Variants in SLC9A8 observed in about 807,000 individuals in gnomAD.
SLC9A8 encodes sodium/hydrogen exchanger 8.
In SLC9A8, 48 loss-of-function variants were observed where a neutral mutation model predicts 66.6. The ratio of observed to expected loss-of-function variants is 0.72; its 90% confidence interval spans 0.57 to 0.92. The LOEUF (loss-of-function observed/expected upper bound fraction) is 0.92. Among genes scored for constraint, SLC9A8 ranks in the 40% least tolerant of loss-of-function variants. The probability of loss-of-function intolerance (pLI) is 0.00; values close to 1 mark genes in which losing one functional copy is unlikely to be tolerated. For synonymous variants in SLC9A8, 274 were observed against 282.6 expected (o/e 0.97, Z 0.31); for missense variants, 599 against 747.3 (o/e 0.80, Z 2.31).
chr20:49,882,330 T>C (rs564925194), intron 13 of SLC9A8, among the ~76,000 whole-genome samples: 3 of 152,250 alleles, frequency 2.0e-5, no homozygotes, highest in African/African-American at 7.2e-5. Context: ...AGGGGAGGCG[T>C]CCGCCCCCGT....
At chr20:49,843,790 A>G (rs1355346553) in intron 4 of SLC9A8, among the ~76,000 whole-genome samples, 1 of 152,158 alleles carries the variant, frequency 6.6e-6, no homozygotes. Context: ...TGTCTCCCCA[A>G]ACCTCATGCT....
chr20:49,848,791 G>A (rs1484689923), intron 5 of SLC9A8, among the ~76,000 whole-genome samples: 1 of 152,144 alleles, frequency 6.6e-6, no homozygotes, highest in Non-Finnish European at 1.5e-5. Context: ...ATCTGATAGT[G>A]TATCTTGGTA....
intron 3 of SLC9A8, chr20:49,829,992 G>T: frequency 1.6e-6 from 1 of 625,426 alleles, no homozygotes; most frequent in Non-Finnish European, 3.1e-6. Flanking sequence ...GTGGAGTCCG[G>T]TACCTTGAAG....
At chr20:49,850,411 G>C (rs2088196431) in intron 6 of SLC9A8, among the ~76,000 whole-genome samples, 1 of 152,194 alleles carries the variant, frequency 6.6e-6, no homozygotes, top group African/African-American at 2.4e-5. Context: ...GTGACGGGCA[G>C]ATTTCTTTAA....
chr20:49,863,441 G>T (rs1254660235), intron 9 of SLC9A8, among the ~76,000 whole-genome samples: 6 of 152,212 alleles, frequency 3.9e-5, no homozygotes, highest in Admixed American at 6.5e-5. Flanking sequence ...TAGACCAGGT[G>T]CAGTGGCTCA....
intron 8 of SLC9A8, among the ~76,000 whole-genome samples, chr20:49,859,366 G>A (rs995347969): frequency 5.3e-5 from 8 of 152,190 alleles, no homozygotes; most frequent in African/African-American, 1.9e-4. Flanking sequence ...GACCATGAAG[G>A]ATATGAGGAA....
intron 8 of SLC9A8, 129 bp downstream of exon 8, chr20:49,855,710 CTCTT>C: frequency 1.2e-6 from 1 of 836,068 alleles, no homozygotes; most frequent in Non-Finnish European, 1.8e-6. Flanking sequence ...TTCACCCACT[CTCTT>C]TCTCTGTATT....
At chr20:49,885,166 T>A (rs1019147207) in intron 14 of SLC9A8, among the ~76,000 whole-genome samples, 1 of 152,184 alleles carries the variant, frequency 6.6e-6, no homozygotes, top group African/African-American at 2.4e-5. Context: ...AAGAGGCCCT[T>A]TGCCCCCACC....
At chr20:49,856,860 C>T (rs192563263) in intron 8 of SLC9A8, among the ~76,000 whole-genome samples, 200 of 151,816 alleles carry the variant, frequency 1.3e-3, no homozygotes, top group African/African-American at 4.6e-3. Context: ...TGTCATATCA[C>T]GTGCCTGTAT....
chr20:49,851,820 TGTGTTTGGTAGGTATTTTGCAAATAAAAA>T (rs1368146597), intron 7 of SLC9A8, among the ~76,000 whole-genome samples: 9 of 152,216 alleles, frequency 5.9e-5, no homozygotes, highest in Non-Finnish European at 8.8e-5. Flanking sequence ...ACTGATGTCC[TGTGTTTGGTAGGTATTTTGCAAATAAAAA>T]GAAATGCCCA....
chr20:49,878,143 A>G, intron 12 of SLC9A8, 80 bp downstream of exon 12: 1 of 802,570 alleles, frequency 1.2e-6, no homozygotes, highest in Non-Finnish European at 1.9e-6. Flanking sequence ...TCATTTATGT[A>G]ACTGTTAACT....
intron 13 of SLC9A8, among the ~76,000 whole-genome samples, chr20:49,883,080 C>A (rs542122097): frequency 2.6e-4 from 39 of 149,424 alleles, no homozygotes; most frequent in Non-Finnish European, 5.0e-4. Flanking sequence ...TGCCTCCTCC[C>A]AGCTGCTCTA....
intron 8 of SLC9A8, among the ~76,000 whole-genome samples, chr20:49,860,094 T>C (rs2088672615): frequency 6.6e-6 from 1 of 152,206 alleles, no homozygotes; most frequent in Non-Finnish European, 1.5e-5. Context: ...GGGCTGAGGC[T>C]GGGCACTGTA....
chr20:49,862,877 A>G (rs2088805605), intron 8 of SLC9A8, 52 bp from the exon 9 acceptor site: 2 of 1,400,754 alleles, frequency 1.4e-6, no homozygotes, highest in African/African-American at 2.9e-5. Flanking sequence ...AATTTCTAAG[A>G]ACTTTGTGTA....
At chr20:49,814,241 T>G (rs1165259362) in intron 1 of SLC9A8, among the ~76,000 whole-genome samples, 2 of 152,122 alleles carry the variant, frequency 1.3e-5, no homozygotes, top group Non-Finnish European at 2.9e-5. Context: ...TTGGTGAAGT[T>G]TTGCAACCTC....
At chr20:49,837,863 C>G (rs1354009696) in intron 3 of SLC9A8, among the ~76,000 whole-genome samples, 1 of 152,204 alleles carries the variant, frequency 6.6e-6, no homozygotes, top group Non-Finnish European at 1.5e-5. Flanking sequence ...GCCACCACGC[C>G]TGGTCGGTTC....
chr20:49,828,412 C>T (rs917907670), intron 3 of SLC9A8, among the ~76,000 whole-genome samples: 7 of 151,258 alleles, frequency 4.6e-5, no homozygotes, highest in South Asian at 2.1e-4. Flanking sequence ...TTAGTAGAGA[C>T]GGGGTTTCTT....
At position 49,871,496 on chromosome 20, in the gene SLC9A8, C is replaced by A. The variant is rs1046036443; in HGVS notation, c.959-3209C>A. On this transcript the variant is annotated intron_variant, in intron 10 of 15. Coordinates refer to ENST00000361573, the MANE Select transcript of SLC9A8 (RefSeq NM_015266.3). ...TCCTTAAGCGTATTTTTTCAAATAC[C>A]ATGCCTTTTACCTCACTTAAAAAAG... is the stretch of plus-strand genomic sequence containing the variant. 4.6e-5 allele frequency among the ~76,000 whole-genome samples: 7 copies of A among 152,092 alleles called. 1 individual carries two copies. Among genetic ancestry groups the A allele is most frequent in the Admixed American group, 4.6e-4 (7 of 15,274 alleles).
chr20:49,829,869 G>C (rs1363258547), intron 3 of SLC9A8: 1 of 567,006 alleles, frequency 1.8e-6, no homozygotes, highest in East Asian at 4.5e-5. Context: ...GGAAAGAAGG[G>C]GGTGTCTTCG....
Sources: allele counts gnomAD v4.1 joint callset (sites outside exome capture counted in the v4.1 genomes callset), GRCh38; gene constraint gnomAD v4.1.1; transcripts MANE v1.5; gene names NCBI Gene and HGNC (gene_info 2026-07-23, HGNC 2026-07-21).